NOX4: variants seen among roughly 807,000 people sequenced by gnomAD.
NOX4 encodes NADPH oxidase 4.
Under a neutral mutation model 87.6 loss-of-function variants are expected in NOX4, and 69 were observed. That is an observed-to-expected ratio of 0.79 (90% CI 0.65 to 0.96). The LOEUF is 0.96. Among genes scored for constraint, NOX4 ranks in the 40% least tolerant of loss-of-function variants. The pLI, the probability that NOX4 is intolerant of heterozygous loss-of-function variation, is 0.00. For synonymous variants in NOX4, 275 were observed against 238.2 expected (o/e 1.15, Z -1.42); for missense variants, 680 against 681.5 (o/e 1.00, Z 0.02).
intron 6 of NOX4, among the ~76,000 whole-genome samples, chr11:89,439,001 ATTAG>A (rs1277723561): frequency 2.7e-5 from 3 of 111,960 alleles, no homozygotes; most frequent in Non-Finnish European, 5.2e-5. Flanking sequence ...TTAATATAAT[ATTAG>A]TAATATTAGT....
intron 8 of NOX4, among the ~76,000 whole-genome samples, chr11:89,414,145 C>G (rs1023508118): frequency 1.3e-5 from 2 of 151,974 alleles, no homozygotes; most frequent in African/African-American, 4.8e-5. Context: ...AGGAATCAAT[C>G]CTCTTTCTTC....
chr11:89,373,607 G>T, intron 11 of NOX4, 115 bp from the exon 12 acceptor site: 2 of 689,994 alleles, frequency 2.9e-6, no homozygotes, highest in Non-Finnish European at 5.2e-6. Context: ...TAACAGGAAG[G>T]AACAGACTAA....
At chr11:89,342,518 T>A (rs1416290837) in intron 13 of NOX4, among the ~76,000 whole-genome samples, 3 of 152,128 alleles carry the variant, frequency 2.0e-5, no homozygotes, top group African/African-American at 7.2e-5. Flanking sequence ...TCTAATATAG[T>A]CATATATTAG....
At chr11:89,443,470 A>T (rs1944546607) in intron 5 of NOX4, 1 of 152,290 alleles carries the variant, frequency 6.6e-6, no homozygotes, top group African/African-American at 2.4e-5. Flanking sequence ...ATTGTGAAGC[A>T]AAGGCAGCCT....
chr11:89,328,834 A>G (rs1478762472), intron 17 of NOX4, among the ~76,000 whole-genome samples: 2 of 152,052 alleles, frequency 1.3e-5, no homozygotes, highest in Non-Finnish European at 2.9e-5. Flanking sequence ...AAGTAATTTG[A>G]ACACAAAAAG....
At chr11:89,491,446 C>T, upstream of NOX4, 1 of 539,064 alleles carries the variant, frequency 1.9e-6, no homozygotes, top group South Asian at 2.4e-5. Context: ...TTTCCGGGCG[C>T]CCTGACTCCC....
chr11:89,557,811 C>T, the NOX4 span, among the ~76,000 whole-genome samples: 21 of 152,184 alleles, frequency 1.4e-4, no homozygotes, highest in African/African-American at 5.1e-4. Context: ...GTAAATGACT[C>T]TCTGTTATCT....
At chr11:89,517,160 T>C in the NOX4 span, among the ~76,000 whole-genome samples, 70 of 152,254 alleles carry the variant, frequency 4.6e-4, 1 homozygote, top group South Asian at 0.014. Flanking sequence ...GTCATAACTG[T>C]ATTATATCTA....
chr11:89,484,233 C>A (rs895937394), intron 2 of NOX4, among the ~76,000 whole-genome samples: 10 of 151,978 alleles, frequency 6.6e-5, no homozygotes, highest in African/African-American at 2.2e-4. Context: ...GAGAATTATG[C>A]AGTTAGCATT....
At chr11:89,385,723 G>A (rs2098361789) in intron 11 of NOX4, among the ~76,000 whole-genome samples, 1 of 152,108 alleles carries the variant, frequency 6.6e-6, no homozygotes, top group African/African-American at 2.4e-5. Flanking sequence ...TCAAGCTCGA[G>A]AATTTGCCCC....
At chr11:89,448,302 T>C (rs1346555662) in intron 4 of NOX4, among the ~76,000 whole-genome samples, 1 of 152,166 alleles carries the variant, frequency 6.6e-6, no homozygotes, top group African/African-American at 2.4e-5. Flanking sequence ...GGATAGAACC[T>C]ACGCATGGAC....
chr11:89,533,991 G>A, the NOX4 span: 2 of 152,148 alleles, frequency 1.3e-5, no homozygotes. Context: ...ATGTTGAAAG[G>A]TCAAATAGAA....
At chr11:89,481,961 C>T (rs1049947776) in intron 2 of NOX4, among the ~76,000 whole-genome samples, 27 of 152,058 alleles carry the variant, frequency 1.8e-4, no homozygotes, top group Non-Finnish European at 1.6e-4. Flanking sequence ...TTCCCTACTT[C>T]CTTTTCTGGG....
At chr11:89,529,383 G>A in the NOX4 span, among the ~76,000 whole-genome samples, 1 of 152,182 alleles carries the variant, frequency 6.6e-6, no homozygotes, top group East Asian at 1.9e-4. Flanking sequence ...CAAACTGGAT[G>A]TTGGAGTAAG....
the NOX4 span, among the ~76,000 whole-genome samples, chr11:89,573,056 C>G: frequency 1.3e-5 from 2 of 152,140 alleles, no homozygotes; most frequent in Non-Finnish European, 2.9e-5. Context: ...AATTGATACT[C>G]TCTTCCCAGA....
chr11:89,422,134 C>G (rs1943116182), intron 7 of NOX4, 152 bp from the exon 8 acceptor site: 2 of 461,398 alleles, frequency 4.3e-6, no homozygotes, highest in Admixed American at 4.4e-5. Flanking sequence ...AAAGTATTAA[C>G]ACAGTATATA....
intron 8 of NOX4, among the ~76,000 whole-genome samples, chr11:89,411,199 T>C (rs1290412786): frequency 6.6e-6 from 1 of 152,098 alleles, no homozygotes; most frequent in Non-Finnish European, 1.5e-5. Context: ...AAAGAGCCAT[T>C]GGCCCTTGAA....
intron 11 of NOX4, among the ~76,000 whole-genome samples, chr11:89,385,624 T>C (rs1389274744): frequency 6.6e-6 from 1 of 152,196 alleles, no homozygotes; most frequent in Non-Finnish European, 1.5e-5. Flanking sequence ...ACCATGGAAA[T>C]CTATCCTCAA....
the NOX4 span, among the ~76,000 whole-genome samples, chr11:89,507,806 T>C: frequency 2.0e-5 from 3 of 152,044 alleles, no homozygotes; most frequent in African/African-American, 7.2e-5. Flanking sequence ...TAGGTAAGCT[T>C]CTAAAGGGAA....
Sources: gnomAD v4.1 joint callset for allele counts (sites outside exome capture counted in the v4.1 genomes callset) on GRCh38, gnomAD v4.1.1 for gene constraint, MANE v1.5 for transcripts, NCBI Gene and HGNC (gene_info 2026-07-23, HGNC 2026-07-21) for gene names.